Variants in VPS50 observed in about 807,000 individuals in gnomAD.
VPS50 encodes the protein syndetin.
VPS50 carries 70 observed loss-of-function variants against 139.7 expected under a neutral mutation model. The observed-to-expected ratio is 0.50, with a 90% CI of 0.41 to 0.61. The LOEUF is 0.61. Among genes scored for constraint, VPS50 ranks in the 20% least tolerant of loss-of-function variants. The pLI is 0.00. For synonymous variants in VPS50, 365 were observed against 376.7 expected (o/e 0.97, Z 0.36); for missense variants, 921 against 1,133.7 (o/e 0.81, Z 2.69).
Position 93,314,824 on chromosome 7 carries a change from A to ATT in VPS50, c.1855+3553_1855+3554dup, listed in dbSNP as rs1447447878. On this transcript the variant is annotated intron_variant, in intron 20 of 27. Transcript: ENST00000305866. ...TGGGAGACAAGAGATCCACTCCTTCATTAGGACATTCTTTTCATTGGGGGA... is the reference window on the plus strand; with the variant it reads ...TGGGAGACAAGAGATCCACTCCTTCATTTTAGGACATTCTTTTCATTGGGGGA... Among the ~76,000 whole-genome samples the ATT allele has an allele frequency of 3.3e-5, 5 of 152,218 alleles. No homozygotes were observed. In the South Asian group the frequency reaches 1.0e-3, roughly 32 times the overall value.
At chr7:93,342,938 A>C (rs1349973236) in intron 23 of VPS50, among the ~76,000 whole-genome samples, 9 of 152,222 alleles carry the variant, frequency 5.9e-5, no homozygotes, top group Non-Finnish European at 1.2e-4. Context: ...CTCCTCCTCC[A>C]AAGGAACACA....
intron 23 of VPS50, among the ~76,000 whole-genome samples, chr7:93,342,392 C>G (rs183581686): frequency 1.1e-4 from 17 of 152,174 alleles, no homozygotes; most frequent in African/African-American, 2.4e-4. Flanking sequence ...GCGGCAGTGA[C>G]GCTGGGGGAG....
At chr7:93,318,814 TACAAATGACACTGTACAA>T (rs1797511280) in intron 20 of VPS50, among the ~76,000 whole-genome samples, 1 of 152,196 alleles carries the variant, frequency 6.6e-6, no homozygotes, top group Non-Finnish European at 1.5e-5. Context: ...TACACTCTTT[TACAAATGACACTGTACAA>T]ACAAACAACA....
chr7:93,352,703 T>C (rs1292772423), intron 25 of VPS50, among the ~76,000 whole-genome samples: 1 of 152,198 alleles, frequency 6.6e-6, no homozygotes, highest in African/African-American at 2.4e-5. Context: ...AACACATCCA[T>C]TGAAGGCTAA....
intron 21 of VPS50, among the ~76,000 whole-genome samples, chr7:93,328,030 T>A (rs1797831309): frequency 6.6e-6 from 1 of 152,174 alleles, no homozygotes; most frequent in Non-Finnish European, 1.5e-5. Context: ...AAAGGATTAC[T>A]CCTATTAATA....
chr7:93,257,969 AAT>A, intron 6 of VPS50, 188 bp from the exon 7 acceptor site: 1 of 442,714 alleles, frequency 2.3e-6, no homozygotes, highest in Non-Finnish European at 4.0e-6. Context: ...AATTGGCACC[AAT>A]CTTCTCGTGG....
At chr7:93,241,942 A>G (rs558922682) in intron 2 of VPS50, among the ~76,000 whole-genome samples, 3 of 152,182 alleles carry the variant, frequency 2.0e-5, no homozygotes, top group Non-Finnish European at 4.4e-5. Flanking sequence ...GATCTTTAAG[A>G]TCTTTTAAAA....
chr7:93,291,881 TC>T, intron 13 of VPS50, 46 bp downstream of exon 13: 2 of 1,326,324 alleles, frequency 1.5e-6, no homozygotes, highest in Non-Finnish European at 1.0e-6. Context: ...ACTATAAATA[TC>T]CCACATTACT....
At chr7:93,358,176 A>G (rs2117102032) in intron 27 of VPS50, 141 bp from the exon 28 acceptor site, 3 of 726,562 alleles carry the variant, frequency 4.1e-6, no homozygotes, top group South Asian at 3.6e-5. Flanking sequence ...CCATGTCCCA[A>G]CTGTAATTTC....
chr7:93,342,695 C>A (rs1239267091), intron 23 of VPS50, among the ~76,000 whole-genome samples: 5 of 152,238 alleles, frequency 3.3e-5, no homozygotes. Flanking sequence ...AGCAGCCGAA[C>A]TGGGAGGCAC....
chr7:93,286,920 T>TAAC (rs1476271160), intron 12 of VPS50, among the ~76,000 whole-genome samples: 2 of 151,602 alleles, frequency 1.3e-5, no homozygotes, highest in East Asian at 3.9e-4. Context: ...TAAAATGAAA[T>TAAC]AACTCTTTTA....
At chr7:93,239,033 A>T (rs554923056) in intron 1 of VPS50, among the ~76,000 whole-genome samples, 1 of 152,160 alleles carries the variant, frequency 6.6e-6, no homozygotes, top group Non-Finnish European at 1.5e-5. Flanking sequence ...TCTGAGTCTC[A>T]AATAGTCAAC....
chr7:93,292,184 T>C (rs879369430), intron 13 of VPS50, among the ~76,000 whole-genome samples: 11 of 152,090 alleles, frequency 7.2e-5, no homozygotes, highest in Non-Finnish European at 1.5e-4. Flanking sequence ...TAATGCTAGA[T>C]GGTCAATATT....
intron 22 of VPS50, among the ~76,000 whole-genome samples, chr7:93,339,176 A>G (rs1385125432): frequency 1.3e-5 from 2 of 151,744 alleles, no homozygotes; most frequent in African/African-American, 4.8e-5. Context: ...TTAGAGGGAA[A>G]TGAATGATGG....
intron 20 of VPS50, among the ~76,000 whole-genome samples, chr7:93,316,616 C>T (rs760205386): frequency 1.3e-5 from 2 of 152,142 alleles, no homozygotes; most frequent in Middle Eastern, 3.4e-3. Context: ...TGTGATTAAC[C>T]AGTTATAATG....
intron 12 of VPS50, among the ~76,000 whole-genome samples, chr7:93,286,697 T>C (rs879738656): frequency 3.3e-5 from 5 of 152,160 alleles, no homozygotes; most frequent in Non-Finnish European, 5.9e-5. Context: ...ATTATTTGCT[T>C]ATTCTCTGGC....
chr7:93,273,586 A>G (rs1796072541), intron 11 of VPS50: 1 of 152,118 alleles, frequency 6.6e-6, no homozygotes, highest in African/African-American at 2.4e-5. Context: ...AACACCTTTG[A>G]AAATAGGATT....
chr7:93,331,497 T>G (rs959841556), intron 21 of VPS50, among the ~76,000 whole-genome samples: 9 of 152,136 alleles, frequency 5.9e-5, no homozygotes, highest in African/African-American at 2.2e-4. Flanking sequence ...AGAAAATAGT[T>G]TTTTTAGCAA....
At chr7:93,266,419 T>C (rs1382046356) in intron 9 of VPS50, among the ~76,000 whole-genome samples, 2 of 152,338 alleles carry the variant, frequency 1.3e-5, no homozygotes, top group East Asian at 1.9e-4. Context: ...ATTATCGCTG[T>C]GCCATCTTGT....
Sources: allele counts gnomAD v4.1 joint callset (sites outside exome capture counted in the v4.1 genomes callset), GRCh38; gene constraint gnomAD v4.1.1; transcripts MANE v1.5; gene names NCBI Gene and HGNC (gene_info 2026-07-23, HGNC 2026-07-21).